Variants in MGAT4C observed in about 807,000 individuals in gnomAD.
MGAT4C encodes the protein alpha-1,3-mannosyl-glycoprotein 4-beta-N-acetylglucosaminyltransferase C.
A neutral mutation model predicts 40.1 loss-of-function variants in MGAT4C; 19 were observed. That is an observed-to-expected ratio of 0.47 (90% CI 0.33 to 0.70). MGAT4C has a LOEUF of 0.70. MGAT4C is among the 30% of genes least tolerant of loss of function. The pLI, the probability that MGAT4C is intolerant of heterozygous loss-of-function variation, is 0.02. For missense variants in MGAT4C, 491 were observed against 563.2 expected (o/e 0.87, Z 1.30); for synonymous variants, 181 against 187.1 (o/e 0.97, Z 0.27).
chr12:86,593,073 C>CT (rs559352363), intron 2 of MGAT4C, among the ~76,000 whole-genome samples: 29 of 148,874 alleles, frequency 1.9e-4, no homozygotes, highest in South Asian at 4.2e-4. Context: ...AACATTTGTA[C>CT]TTTTTTTTTT....
rs371666680 is a variant in MGAT4C at position 86,763,922 on chromosome 12, C to G, written c.-261-36681G>C. Among the ~76,000 whole-genome samples the G allele has an allele frequency of 4.6e-5, 7 of 152,204 alleles. No homozygotes were observed. In the South Asian group the frequency reaches 1.0e-3, roughly 23 times the overall value. On this transcript the variant is annotated intron_variant, in intron 1 of 7. Transcript: ENST00000548651. ...ATAGGAACAGCTCCTGTCTACAGCT[C>G]CCAGCATGAGCAACGCAGAAGACGG...
chr12:86,553,786 A>G (rs945286093), intron 2 of MGAT4C, among the ~76,000 whole-genome samples: 2 of 152,150 alleles, frequency 1.3e-5, no homozygotes, highest in Non-Finnish European at 2.9e-5. Flanking sequence ...AGAAATTGTA[A>G]TTGGAAGCTT....
intron 2 of MGAT4C, among the ~76,000 whole-genome samples, chr12:86,671,137 A>C (rs1400669288): frequency 6.6e-6 from 1 of 152,224 alleles, no homozygotes; most frequent in Non-Finnish European, 1.5e-5. Flanking sequence ...GTTTTTGGAC[A>C]AAGATTTATT....
intron 1 of MGAT4C, among the ~76,000 whole-genome samples, chr12:86,775,617 G>T (rs1951735238): frequency 6.6e-6 from 1 of 151,216 alleles, no homozygotes; most frequent in South Asian, 2.1e-4. Flanking sequence ...AGTGCTACAG[G>T]TAGGAGGAAG....
In MGAT4C at chr12:86,327,991, C is replaced by G. The variant is rs147521027; in HGVS notation, c.-57+6074G>C. Among the ~76,000 whole-genome samples, 596 of 152,232 alleles carry G rather than the reference C, an allele frequency of 3.9e-3. 2 individuals are homozygous for G. The highest frequency in any genetic ancestry group is 0.014 in the African/African-American group (579 of 41,554). On this transcript the variant is annotated intron_variant, in intron 4 of 7. Transcript: ENST00000548651. ...ATGTTGTTGCATTGTTCTAGACCTC[C>G]AACCTCCCATTTTCAAAGTTTGTGT...
intron 3 of MGAT4C, among the ~76,000 whole-genome samples, chr12:86,394,588 ATATT>A (rs1306934323): frequency 5.6e-5 from 8 of 141,784 alleles, no homozygotes; most frequent in Non-Finnish European, 1.1e-4. Flanking sequence ...TGTGTATAAA[ATATT>A]TATATATTTT....
At chr12:86,391,962 G>A (rs1026628947) in intron 3 of MGAT4C, among the ~76,000 whole-genome samples, 7 of 152,152 alleles carry the variant, frequency 4.6e-5, no homozygotes, top group Non-Finnish European at 1.5e-5. Context: ...GAATAATAAT[G>A]AGTCATTTAT....
Position 85,976,678 on chromosome 12 carries a change from A to G in MGAT4C, c.*2611T>C, listed in dbSNP as rs1884011280. ...ATATATGTATATATATATTATATAT[A>G]TGTATATATGTATTATATATGTATA... is the stretch of plus-strand genomic sequence containing the variant. On this transcript the variant is annotated 3_prime_UTR_variant, in exon 5 of 5. Transcript: ENST00000611864. The G allele has an allele frequency of 6.8e-6, 1 of 146,622 alleles. No individual in the cohort carries two copies. The allele number at this position is 146,622 out of a possible 1,614,324, so 9.1% of individuals were successfully genotyped here. A position where few individuals can be genotyped will look rare whatever the true frequency, so the allele number is the denominator to read the frequency against.
intron 4 of MGAT4C, among the ~76,000 whole-genome samples, chr12:86,279,833 G>A (rs1422555304): frequency 1.3e-5 from 2 of 151,674 alleles, no homozygotes; most frequent in Admixed American, 6.6e-5. Flanking sequence ...TTGGTAAGTT[G>A]TGTTCCCATT....
At chr12:86,469,786 C>T (rs2136302744) in intron 2 of MGAT4C, among the ~76,000 whole-genome samples, 1 of 152,260 alleles carries the variant, frequency 6.6e-6, no homozygotes, top group Non-Finnish European at 1.5e-5. Flanking sequence ...TTATGGTTTT[C>T]AGCCATGAAT....
chr12:86,102,182 T>C (rs551363368), intron 1 of MGAT4C, among the ~76,000 whole-genome samples: 3 of 152,064 alleles, frequency 2.0e-5, no homozygotes, highest in African/African-American at 7.2e-5. Flanking sequence ...AACTAAAATA[T>C]AGGATATCAA....
chr12:86,179,176 G>C (rs1887829677), intron 1 of MGAT4C, among the ~76,000 whole-genome samples: 1 of 152,132 alleles, frequency 6.6e-6, no homozygotes, highest in Admixed American at 6.5e-5. Context: ...GATCTGATGG[G>C]TTTATCAGGG....
intron 2 of MGAT4C, among the ~76,000 whole-genome samples, chr12:86,498,808 G>A (rs1958285780): frequency 6.6e-6 from 1 of 151,852 alleles, no homozygotes; most frequent in Non-Finnish European, 1.5e-5. Flanking sequence ...TGATTCTTGT[G>A]TATTTTTTAT....
At position 86,300,429 on chromosome 12, in the gene MGAT4C, C is replaced by A. The variant is rs576474527; in HGVS notation, c.-57+33636G>T. Among the ~76,000 whole-genome samples, 21 of 152,052 alleles carry A rather than the reference C, an allele frequency of 1.4e-4. 1 individual carries two copies. Among genetic ancestry groups the A allele is most frequent in the African/African-American group, 5.1e-4 (21 of 41,476 alleles). Reference sequence around the variant, plus strand: ...AAATAATAAATTGTACATGGCCATTCAAATCAGTAATTCTGAAATTGATCA... The same window carrying A: ...AAATAATAAATTGTACATGGCCATTAAAATCAGTAATTCTGAAATTGATCA... On this transcript the variant is annotated intron_variant, in intron 4 of 7. Transcript: ENST00000548651.
chr12:86,655,070 G>T (rs1250887627), intron 2 of MGAT4C, among the ~76,000 whole-genome samples: 1 of 151,696 alleles, frequency 6.6e-6, no homozygotes, highest in African/African-American at 2.4e-5. Context: ...AAGTTCTAGG[G>T]TACATGTGCA....
intron 2 of MGAT4C, among the ~76,000 whole-genome samples, chr12:86,040,989 C>T (rs1006432034): frequency 2.6e-5 from 4 of 152,154 alleles, no homozygotes; most frequent in African/African-American, 7.2e-5. Flanking sequence ...CCTGCTTCAA[C>T]TCACCCTCCT....
chr12:86,435,720 T>A (rs1592845169), intron 2 of MGAT4C, among the ~76,000 whole-genome samples: 1 of 151,964 alleles, frequency 6.6e-6, no homozygotes, highest in South Asian at 2.1e-4. Flanking sequence ...AAAACCCACA[T>A]CAATAATGCT....
chr12:86,772,486 A>C lies in MGAT4C; in HGVS notation c.-261-45245T>G, dbSNP rs142863155. ...CAGAAGTTGGCATTTCTGCCACTAC[A>C]ACAGGCCCGCGAGTAGGTTTGTCTC... On this transcript the variant is annotated intron_variant, in intron 1 of 7. Transcript: ENST00000548651. Among the ~76,000 whole-genome samples the C allele has an allele frequency of 8.8e-4, 134 of 152,270 alleles. 3 individuals carry two copies. Among genetic ancestry groups the C allele is most frequent in the African/African-American group, 1.9e-3 (81 of 41,558 alleles).
intron 2 of MGAT4C, among the ~76,000 whole-genome samples, chr12:86,603,701 A>C (rs1172001592): frequency 3.8e-5 from 5 of 131,536 alleles, no homozygotes; most frequent in Admixed American, 1.6e-4. Context: ...ACTATATATT[A>C]TCTATAGTCT....
Sources: allele counts gnomAD v4.1 joint callset (sites outside exome capture counted in the v4.1 genomes callset), GRCh38; gene constraint gnomAD v4.1.1; transcripts MANE v1.5; gene names NCBI Gene and HGNC (gene_info 2026-07-23, HGNC 2026-07-21).